The following MARCHF1 variants were observed in gnomAD, a reference collection of about 807,000 sequenced individuals.
The protein encoded by MARCHF1 is E3 ubiquitin-protein ligase MARCHF1.
MARCHF1 carries 40 observed loss-of-function variants against 54.2 expected under a neutral mutation model. The ratio of observed to expected loss-of-function variants is 0.74; its 90% CI spans 0.57 to 0.96. The LOEUF (loss-of-function observed/expected upper bound fraction) is 0.96. Ranked by LOEUF, MARCHF1 falls within the 40% of genes least tolerant of loss-of-function variation. The pLI is 0.00. For synonymous variants in MARCHF1, 236 were observed against 236.3 expected (o/e 1.00, Z 0.01); for missense variants, 586 against 656.5 (o/e 0.89, Z 1.17).
At chr4:164,176,009 G>A (rs755707448) in intron 1 of MARCHF1, among the ~76,000 whole-genome samples, 6 of 152,052 alleles carry the variant, frequency 3.9e-5, no homozygotes, top group Non-Finnish European at 7.4e-5. Context: ...CATCAAAAAA[G>A]CAACCTACAT....
intron 3 of MARCHF1, among the ~76,000 whole-genome samples, chr4:163,981,848 G>A (rs1752769643): frequency 6.6e-6 from 1 of 152,110 alleles, no homozygotes; most frequent in Admixed American, 6.5e-5. Flanking sequence ...CAAACACAAT[G>A]ACCACATGGA....
intron 1 of MARCHF1, among the ~76,000 whole-genome samples, chr4:164,286,334 T>C (rs766710591): frequency 6.6e-6 from 1 of 152,158 alleles, no homozygotes; most frequent in African/African-American, 2.4e-5. Context: ...AATCAATGAA[T>C]TGCATCATAT....
intron 1 of MARCHF1, among the ~76,000 whole-genome samples, chr4:164,301,329 T>C (rs1361183227): frequency 6.6e-6 from 1 of 152,138 alleles, no homozygotes; most frequent in African/African-American, 2.4e-5. Context: ...AATTGACAAA[T>C]GAAGAAAATG....
intron 1 of MARCHF1, among the ~76,000 whole-genome samples, chr4:164,168,400 T>C (rs1730436307): frequency 6.6e-6 from 1 of 152,022 alleles, no homozygotes; most frequent in South Asian, 2.1e-4. Flanking sequence ...TGTGTATATG[T>C]CCAAAGGAGA....
chr4:164,222,841 G>A (rs1192324810), intron 1 of MARCHF1, among the ~76,000 whole-genome samples: 2 of 151,980 alleles, frequency 1.3e-5, no homozygotes, highest in Non-Finnish European at 2.9e-5. Context: ...AAGAATGTCA[G>A]TATATTAGTC....
At chr4:164,019,019 A>G (rs1190424073) in intron 2 of MARCHF1, among the ~76,000 whole-genome samples, 1 of 152,134 alleles carries the variant, frequency 6.6e-6, no homozygotes, top group Non-Finnish European at 1.5e-5. Context: ...TCTCTCTTCT[A>G]TTCTGCTCAG....
chr4:163,913,897 T>C (rs1174614746), intron 3 of MARCHF1, among the ~76,000 whole-genome samples: 2 of 152,188 alleles, frequency 1.3e-5, no homozygotes, highest in Admixed American at 1.3e-4. Flanking sequence ...CCCTGAATGA[T>C]ATGTGTCATT....
At chr4:164,176,951 T>A (rs1411153760) in intron 1 of MARCHF1, among the ~76,000 whole-genome samples, 543 of 37,046 alleles carry the variant, frequency 0.015, 20 homozygotes, top group African/African-American at 0.077. Flanking sequence ...GCTCTCTCTC[T>A]CTCTCTCTCT....
chr4:164,295,159 C>T (rs889179799), intron 1 of MARCHF1, among the ~76,000 whole-genome samples: 8 of 152,058 alleles, frequency 5.3e-5, no homozygotes, highest in Admixed American at 1.3e-4. Flanking sequence ...AATAACTAAA[C>T]TATGGGGGAG....
intron 5 of MARCHF1, among the ~76,000 whole-genome samples, chr4:163,618,599 C>T (rs1024540807): frequency 6.6e-6 from 1 of 152,126 alleles, no homozygotes; most frequent in Non-Finnish European, 1.5e-5. Flanking sequence ...CTGCACTCTG[C>T]TAAAATAGCA....
chr4:163,930,299 T>G (rs1751642309), intron 3 of MARCHF1, among the ~76,000 whole-genome samples: 1 of 151,496 alleles, frequency 6.6e-6, no homozygotes, highest in Non-Finnish European at 1.5e-5. Flanking sequence ...ACCAGAGACC[T>G]AGAATTAAAC....
At chr4:163,821,053 C>T (rs1301302395) in intron 4 of MARCHF1, among the ~76,000 whole-genome samples, 1 of 152,042 alleles carries the variant, frequency 6.6e-6, no homozygotes, top group East Asian at 1.9e-4. Context: ...AACTTCAGCT[C>T]GCACTGCACT....
chr4:163,949,995 T>C (rs906280454), intron 3 of MARCHF1, among the ~76,000 whole-genome samples: 3 of 152,168 alleles, frequency 2.0e-5, no homozygotes, highest in African/African-American at 7.2e-5. Context: ...TTATGAACTT[T>C]AGGAGAGGAA....
chr4:163,900,333 T>C (rs763425182), intron 3 of MARCHF1, among the ~76,000 whole-genome samples: 36 of 146,510 alleles, frequency 2.5e-4, no homozygotes, highest in Non-Finnish European at 3.4e-4. Context: ...CCACAGAGTA[T>C]AGGTCCTTTT....
chr4:163,807,291 C>T (rs997566612), intron 4 of MARCHF1, among the ~76,000 whole-genome samples: 4 of 152,024 alleles, frequency 2.6e-5, no homozygotes, highest in African/African-American at 9.7e-5. Context: ...TGAATTATAA[C>T]CTTTAGTCAA....
chr4:163,989,017 T>C (rs1330950256), intron 2 of MARCHF1: 1 of 152,180 alleles, frequency 6.6e-6, no homozygotes, highest in Non-Finnish European at 1.5e-5. Flanking sequence ...CTTCCTTTAA[T>C]GGCACAGACT....
At chr4:163,960,234 G>A (rs1752319801) in intron 3 of MARCHF1, among the ~76,000 whole-genome samples, 1 of 151,972 alleles carries the variant, frequency 6.6e-6, no homozygotes, top group Non-Finnish European at 1.5e-5. Context: ...AACCGTTGTG[G>A]AAAGCAGTAT....
intron 5 of MARCHF1, among the ~76,000 whole-genome samples, chr4:163,628,612 T>C (rs1256598441): frequency 6.6e-6 from 1 of 152,136 alleles, no homozygotes; most frequent in East Asian, 1.9e-4. Flanking sequence ...CAAATTGTCT[T>C]TGTTTGGAGA....
At chr4:164,177,580 T>C (rs1448166453) in intron 1 of MARCHF1, among the ~76,000 whole-genome samples, 1 of 151,958 alleles carries the variant, frequency 6.6e-6, no homozygotes, top group Admixed American at 6.6e-5. Context: ...ACAAGGTAGG[T>C]TTTTTAATGG....
Sources: gnomAD v4.1 joint callset for allele counts (sites outside exome capture counted in the v4.1 genomes callset) on GRCh38, gnomAD v4.1.1 for gene constraint, MANE v1.5 for transcripts, NCBI Gene and HGNC (gene_info 2026-07-23, HGNC 2026-07-21) for gene names.